Variants in SASH1 observed in about 807,000 individuals in gnomAD.
SASH1 encodes the protein SAM and SH3 domain containing 1, also known as SAM and SH3 domain-containing protein 1.
Under a neutral mutation model 125.2 loss-of-function variants are expected in SASH1, and 44 were observed. The ratio of observed to expected loss-of-function variants is 0.35; its 90% CI spans 0.28 to 0.45. The LOEUF (loss-of-function observed/expected upper bound fraction) is 0.45. Ranked by LOEUF, SASH1 falls within the 20% of genes least tolerant of loss-of-function variation. The pLI is 1.00. For synonymous variants in SASH1, 639 were observed against 649.1 expected (o/e 0.98, Z 0.24); for missense variants, 1,426 against 1,614.5 (o/e 0.88, Z 2.00).
chr6:148,244,932 A>ATGTGTGTGTG, the SASH1 span, among the ~76,000 whole-genome samples: 3 of 119,832 alleles, frequency 2.5e-5, no homozygotes, highest in African/African-American at 1.0e-4. Flanking sequence ...GTGTGTGTGT[A>ATGTGTGTGTG]TGTGTGTGTG....
At chr6:148,303,864 A>G (rs1780045694) in intron 1 of SASH1, among the ~76,000 whole-genome samples, 2 of 152,058 alleles carry the variant, frequency 1.3e-5, no homozygotes, top group African/African-American at 4.8e-5. Context: ...TGGATCAGAG[A>G]AGAAATAACA....
chr6:148,341,318 T>C (rs535592254), upstream of SASH1, among the ~76,000 whole-genome samples: 164 of 131,022 alleles, frequency 1.3e-3, 2 homozygotes, highest in African/African-American at 5.7e-3. Context: ...CTATGTTTTG[T>C]TTTTTTTTTT....
At position 148,431,234 on chromosome 6, in the gene SASH1, T is replaced by G. The variant is rs577541575; in HGVS notation, c.286-8950T>G. Among the ~76,000 whole-genome samples the G allele has an allele frequency of 1.9e-3, 290 of 152,154 alleles. 2 individuals are homozygous for G. The highest frequency in any genetic ancestry group is 6.9e-3 in the African/African-American group (285 of 41,518). On this transcript the variant is annotated intron_variant, in intron 2 of 19. Transcript: ENST00000367467. ...TTTTTTTTTTGAGACGGAGTCACTC[T>G]GTCGCCCAGGCTGGGGTGCAGTGGC... is the stretch of plus-strand genomic sequence containing the variant.
At chr6:148,386,524 C>T (rs145144997) in intron 1 of SASH1, among the ~76,000 whole-genome samples, 1 of 152,254 alleles carries the variant, frequency 6.6e-6, no homozygotes, top group Non-Finnish European at 1.5e-5. Context: ...TATTCCAGAC[C>T]AGAAAGCCAC....
chr6:148,441,038 T>C (rs368451414), intron 4 of SASH1, among the ~76,000 whole-genome samples: 4 of 152,366 alleles, frequency 2.6e-5, no homozygotes, highest in African/African-American at 9.6e-5. Context: ...CAAGAGAATC[T>C]TTTTTCTAAA....
Position 148,514,258 on chromosome 6 carries a change from A to T in SASH1, c.730-66A>T, listed in dbSNP as rs1403014550. On this transcript the variant is annotated intron_variant, in intron 8 of 19. Coordinates refer to ENST00000367467, the MANE Select transcript of SASH1 (RefSeq NM_015278.5). The stretch of plus-strand genomic sequence containing the variant: ...TCAGACTGGCAGCAAGGCCGGCTAC[A>T]TCCAGCCACACGGGCAAAGCTCGGA... 1.9e-6 allele frequency: 3 copies of T among 1,557,584 alleles called. No homozygotes were observed. The Admixed American group carries it at 6.2e-5, about 32-fold the overall frequency.
chr6:148,317,034 C>G (rs1423344136), intron 1 of SASH1, among the ~76,000 whole-genome samples: 1 of 152,086 alleles, frequency 6.6e-6, no homozygotes, highest in African/African-American at 2.4e-5. Flanking sequence ...TCTGAGTTAG[C>G]TGGAAAGGGA....
chr6:148,257,872 G>A, the SASH1 span, among the ~76,000 whole-genome samples: 15 of 151,934 alleles, frequency 9.9e-5, no homozygotes, highest in South Asian at 2.5e-3. Flanking sequence ...CCTGTGATCC[G>A]CCCACCTTGG....
chr6:148,326,376 A>ATACATTCTTTTCTTTTCTTTTCTTTTCTT (rs1582968893), intron 1 of SASH1, among the ~76,000 whole-genome samples: 3 of 38,316 alleles, frequency 7.8e-5, no homozygotes, highest in East Asian at 3.2e-3. Context: ...ATATATATAC[A>ATACATTCTTTTCTTTTCTTTTCTTTTCTT]TTCTTTTCTT....
At position 148,302,967 on chromosome 6, in the gene SASH1, AGTTT is replaced by A. The variant is rs1311031747; in HGVS notation, n.74+30595_74+30598del. Among the ~76,000 whole-genome samples, 5 of 151,726 alleles carry A rather than the reference AGTTT, an allele frequency of 3.3e-5. No homozygotes were observed. In the East Asian group the frequency reaches 9.7e-4, roughly 29 times the overall value. ...CCAGGCACCTCTGTACTTTAAAATT[AGTTT>A]GTTTATTTATTTATTTATTTATTTT... On this transcript the variant is annotated intron_variant and non_coding_transcript_variant, in intron 1 of 3. Coordinates refer to the SASH1 transcript ENST00000367469.
Position 148,471,983 on chromosome 6 carries a change from G to A in SASH1, c.514+480G>A, listed in dbSNP as rs1293080658. ...AAACTCCAGTGGTCTGACATCATGGGAATTTGCCCGGGCGGCTTTGTGAAG... is the reference window on the plus strand; with the variant it reads ...AAACTCCAGTGGTCTGACATCATGGAAATTTGCCCGGGCGGCTTTGTGAAG... On this transcript the variant is annotated intron_variant, in intron 6 of 19. Coordinates refer to ENST00000367467, the MANE Select transcript of SASH1 (RefSeq NM_015278.5). Among the ~76,000 whole-genome samples, 5 of 152,212 alleles carry A rather than the reference G, an allele frequency of 3.3e-5. No homozygotes were observed. The South Asian group carries it at 1.0e-3, about 32-fold the overall frequency.
chr6:148,313,918 T>G (rs1212120713), intron 1 of SASH1, among the ~76,000 whole-genome samples: 1 of 152,204 alleles, frequency 6.6e-6, no homozygotes, highest in Non-Finnish European at 1.5e-5. Context: ...ATAGCTCTGA[T>G]TTTTGGTCAA....
chr6:148,486,993 A>C (rs1455286236), intron 7 of SASH1, among the ~76,000 whole-genome samples: 1 of 75,862 alleles, frequency 1.3e-5, no homozygotes, highest in African/African-American at 5.4e-5. Context: ...ATATATATAT[A>C]TGTATTTGCT....
At chr6:148,302,142 C>T (rs1460953093) in intron 1 of SASH1, among the ~76,000 whole-genome samples, 1 of 146,896 alleles carries the variant, frequency 6.8e-6, no homozygotes, top group African/African-American at 2.5e-5. Context: ...GGTGAAACCC[C>T]GTCTCTACTA....
rs1317539074 is a variant in SASH1 at position 148,495,414 on chromosome 6, G to T, written c.729+7699G>T. Among the ~76,000 whole-genome samples, 3 of 151,974 alleles carry T rather than the reference G, an allele frequency of 2.0e-5. No individual in the cohort carries two copies. The highest frequency in any genetic ancestry group is 2.9e-5 in the Non-Finnish European group (2 of 67,988). ...TGTGAGCTCAACTCAAAATTTTAAAGGTTGACTATTCTTGCTGTGTTTATT... is the reference window on the plus strand; with the variant it reads ...TGTGAGCTCAACTCAAAATTTTAAATGTTGACTATTCTTGCTGTGTTTATT... On this transcript the variant is annotated intron_variant, in intron 8 of 19. Transcript: ENST00000367467. The surrounding 1 kb of genome is among the most constrained non-coding windows in gnomAD (Gnocchi z 4.0).
At chr6:148,472,266 A>C (rs771113331) in intron 6 of SASH1, among the ~76,000 whole-genome samples, 66 of 152,108 alleles carry the variant, frequency 4.3e-4, no homozygotes, top group Non-Finnish European at 8.5e-4. Flanking sequence ...ACGTCTGTCT[A>C]ATTATCAGTA....
At chr6:148,260,994 G>A in the SASH1 span, among the ~76,000 whole-genome samples, 7 of 151,810 alleles carry the variant, frequency 4.6e-5, no homozygotes, top group East Asian at 3.9e-4. Flanking sequence ...TAGTAGAGAC[G>A]GGGTTTCACT....
chr6:148,527,759 A>G (rs1336421321), intron 12 of SASH1, among the ~76,000 whole-genome samples, 163 bp downstream of exon 12: 1 of 152,186 alleles, frequency 6.6e-6, no homozygotes, highest in Non-Finnish European at 1.5e-5. Flanking sequence ...AATTCAACAC[A>G]CGTTTATTAA....
chr6:148,406,112 A>G (rs1046847549), intron 2 of SASH1, among the ~76,000 whole-genome samples: 75 of 152,298 alleles, frequency 4.9e-4, no homozygotes, highest in African/African-American at 1.7e-3. Context: ...CATTCTTCTC[A>G]TTGCTGGGTG....
Sources: allele counts gnomAD v4.1 joint callset (sites outside exome capture counted in the v4.1 genomes callset), GRCh38; gene constraint gnomAD v4.1.1; non-coding constraint Gnocchi (gnomAD v3.1); transcripts MANE v1.5; gene names NCBI Gene and HGNC (gene_info 2026-07-23, HGNC 2026-07-21).